The following SLC9A9 variants were observed in gnomAD, a reference collection of about 807,000 sequenced individuals.
SLC9A9 encodes the protein solute carrier family 9 member A9, also known as sodium/hydrogen exchanger 9.
A neutral mutation model predicts 77.8 loss-of-function variants in SLC9A9; 62 were observed. The ratio of observed to expected loss-of-function variants is 0.80; its 90% confidence interval spans 0.65 to 0.98. The LOEUF (loss-of-function observed/expected upper bound fraction) is 0.98, where lower values mean the gene tolerates loss of function less well. Among genes scored for constraint, SLC9A9 ranks in the 50% least tolerant of loss-of-function variants. The pLI is 0.00. For missense variants in SLC9A9, 775 were observed against 774.9 expected (o/e 1.00, Z 0.00); for synonymous variants, 320 against 283.5 (o/e 1.13, Z -1.29).
chr3:143,674,183 T>C (rs887984189), intron 5 of SLC9A9, among the ~76,000 whole-genome samples: 6 of 152,180 alleles, frequency 3.9e-5, no homozygotes, highest in Non-Finnish European at 7.4e-5. Context: ...TGTTTTGTTT[T>C]GATAGTCTCT....
chr3:143,822,862 C>T (rs1361827376), intron 2 of SLC9A9, among the ~76,000 whole-genome samples: 2 of 152,200 alleles, frequency 1.3e-5, no homozygotes, highest in Non-Finnish European at 2.9e-5. Flanking sequence ...CCTTTTCTCT[C>T]CCTCTCTCCC....
chr3:143,369,483 A>C (rs1481076070), intron 13 of SLC9A9, among the ~76,000 whole-genome samples: 1 of 152,200 alleles, frequency 6.6e-6, no homozygotes, highest in Non-Finnish European at 1.5e-5. Context: ...TCAAATAGCT[A>C]GAAGAGAGGA....
intron 11 of SLC9A9, among the ~76,000 whole-genome samples, chr3:143,484,094 T>C (rs2035616889): frequency 6.6e-6 from 1 of 152,202 alleles, no homozygotes; most frequent in Admixed American, 6.5e-5. Flanking sequence ...TTTTGAGCTA[T>C]GTGAAGAAAG....
chr3:143,818,284 A>T (rs2009073007), intron 2 of SLC9A9, among the ~76,000 whole-genome samples: 1 of 152,144 alleles, frequency 6.6e-6, no homozygotes, highest in South Asian at 2.1e-4. Context: ...AGAAAAAGTT[A>T]AGAACTGGGG....
At chr3:143,511,798 C>T (rs2036119530) in intron 9 of SLC9A9, among the ~76,000 whole-genome samples, 1 of 152,298 alleles carries the variant, frequency 6.6e-6, no homozygotes, top group Admixed American at 6.5e-5. Context: ...GACCTATTTT[C>T]AGACACTTTG....
intron 15 of SLC9A9, among the ~76,000 whole-genome samples, chr3:143,267,142 T>C (rs1444060377): frequency 3.9e-5 from 6 of 152,120 alleles, no homozygotes; most frequent in Non-Finnish European, 5.9e-5. Context: ...AAGGGGTCTC[T>C]AAGTCTGAGG....
chr3:143,789,836 G>A (rs1244048832), intron 4 of SLC9A9, among the ~76,000 whole-genome samples: 1 of 152,082 alleles, frequency 6.6e-6, no homozygotes, highest in African/African-American at 2.4e-5. Flanking sequence ...TATTCAAGAA[G>A]CCCAATGAGA....
At chr3:143,307,009 T>G (rs6796961) in intron 14 of SLC9A9, among the ~76,000 whole-genome samples, 1 of 152,098 alleles carries the variant, frequency 6.6e-6, no homozygotes, top group Non-Finnish European at 1.5e-5. Flanking sequence ...CCCCACTCTC[T>G]GTCCGAGACA....
chr3:143,804,328 T>C (rs892388007), intron 2 of SLC9A9, among the ~76,000 whole-genome samples: 2 of 152,248 alleles, frequency 1.3e-5, no homozygotes, highest in Admixed American at 1.3e-4. Flanking sequence ...TCCCAGGCCC[T>C]CTTCTTGTTT....
intron 6 of SLC9A9, among the ~76,000 whole-genome samples, chr3:143,629,822 T>C (rs1477144058): frequency 1.3e-5 from 2 of 152,042 alleles, no homozygotes; most frequent in African/African-American, 4.8e-5. Context: ...ACTCAACAAG[T>C]GTTTATTAAG....
intron 5 of SLC9A9, among the ~76,000 whole-genome samples, chr3:143,657,258 C>A (rs762337455): frequency 1.6e-4 from 24 of 152,162 alleles, no homozygotes; most frequent in Non-Finnish European, 2.8e-4. Flanking sequence ...TTGTTTAGGT[C>A]ATTCTAAATT....
chr3:143,335,274 C>T (rs962322964), intron 14 of SLC9A9, among the ~76,000 whole-genome samples: 1 of 152,038 alleles, frequency 6.6e-6, no homozygotes, highest in Non-Finnish European at 1.5e-5. Flanking sequence ...GTACAAAACA[C>T]TGATTAAAGA....
In SLC9A9 at chr3:143,355,718, C is replaced by T. The variant is rs143806940; in HGVS notation, c.1604+7766G>A. Among the ~76,000 whole-genome samples, 602 of 152,244 alleles carry T rather than the reference C, an allele frequency of 4.0e-3. 4 individuals are homozygous for T. The highest frequency in any genetic ancestry group is 0.014 in the African/African-American group (571 of 41,534). The stretch of plus-strand genomic sequence containing the variant: ...TGTGGGAATTTCTTTACAGGTGCAT[C>T]GCAAGTGCCCAGGATGGTGCCTGGC... On this transcript the variant is annotated intron_variant, in intron 14 of 15. Transcript: ENST00000316549.
chr3:143,825,726 A>G (rs1040481718), intron 2 of SLC9A9, among the ~76,000 whole-genome samples: 3 of 152,182 alleles, frequency 2.0e-5, no homozygotes, highest in Non-Finnish European at 2.9e-5. Context: ...GACTTGGCAA[A>G]ATTTTCGCTG....
chr3:143,662,245 A>G (rs1295228438), intron 5 of SLC9A9, among the ~76,000 whole-genome samples: 1 of 152,236 alleles, frequency 6.6e-6, no homozygotes, highest in Non-Finnish European at 1.5e-5. Flanking sequence ...TTAGCCCTAC[A>G]GTAATCCCTT....
chr3:143,517,344 C>A (rs2108610483), intron 9 of SLC9A9: 1 of 1,282,152 alleles, frequency 7.8e-7, no homozygotes, highest in East Asian at 2.3e-5. Context: ...CCAGGCATTC[C>A]TCCAGGAAAA....
chr3:143,375,163 A>G (rs899645158), intron 13 of SLC9A9, among the ~76,000 whole-genome samples: 3 of 152,254 alleles, frequency 2.0e-5, no homozygotes, highest in Non-Finnish European at 1.5e-5. Flanking sequence ...TCACCAAGAT[A>G]TATCAATTGG....
At chr3:143,707,314 G>A (rs906581135) in intron 4 of SLC9A9, among the ~76,000 whole-genome samples, 1 of 151,604 alleles carries the variant, frequency 6.6e-6, no homozygotes. Context: ...GACAACTTTT[G>A]AGTAACTATT....
At chr3:143,778,537 C>T (rs2007771176) in intron 4 of SLC9A9, among the ~76,000 whole-genome samples, 1 of 151,990 alleles carries the variant, frequency 6.6e-6, no homozygotes, top group African/African-American at 2.4e-5. Flanking sequence ...AAGTACATCC[C>T]TTGTAATCTC....
Sources: gnomAD v4.1 joint callset for allele counts (sites outside exome capture counted in the v4.1 genomes callset) on GRCh38, gnomAD v4.1.1 for gene constraint, MANE v1.5 for transcripts, NCBI Gene and HGNC (gene_info 2026-07-23, HGNC 2026-07-21) for gene names.